ULK4: variants seen among roughly 807,000 people sequenced by gnomAD.
ULK4 encodes inactive serine/threonine-protein kinase ULK4.
In ULK4, 133 loss-of-function variants were observed where a neutral mutation model predicts 160.6. That is an observed-to-expected ratio of 0.83 (90% confidence interval 0.72 to 0.96). The LOEUF (loss-of-function observed/expected upper bound fraction) is 0.96. ULK4 is among the 40% of genes least tolerant of loss of function. The pLI is 0.00. For synonymous variants in ULK4, 534 were observed against 539.8 expected (o/e 0.99, Z 0.15); for missense variants, 1,580 against 1,499.5 (o/e 1.05, Z -0.89).
chr3:41,695,282 T>C (rs1231468055), intron 27 of ULK4, among the ~76,000 whole-genome samples: 1 of 152,192 alleles, frequency 6.6e-6, no homozygotes, highest in Non-Finnish European at 1.5e-5. Context: ...TCACAATGCA[T>C]ATACATGCTT....
Position 41,921,680 on chromosome 3 carries a change from T to A in ULK4, c.542-1862A>T, listed in dbSNP as rs150926195. ...GCACTAATAAACAATGGAATTAAAGTCTCTGGGTTCACACTCAAATGGGTG... is the reference window on the plus strand; with the variant it reads ...GCACTAATAAACAATGGAATTAAAGACTCTGGGTTCACACTCAAATGGGTG... On this transcript the variant is annotated intron_variant, in intron 5 of 36. Coordinates refer to ENST00000301831, the MANE Select transcript of ULK4 (RefSeq NM_017886.4). 6.6e-5 allele frequency among the ~76,000 whole-genome samples: 10 copies of A among 152,246 alleles called. No individual in the cohort carries two copies. In the East Asian group the frequency reaches 1.7e-3, roughly 26 times the overall value.
chr3:41,926,337 C>G (rs989939756), intron 5 of ULK4, among the ~76,000 whole-genome samples: 2 of 152,170 alleles, frequency 1.3e-5, no homozygotes, highest in Non-Finnish European at 2.9e-5. Context: ...GAAACCCCAT[C>G]CGAAGGTCAC....
At chr3:41,251,029 G>T (rs1016675992) in intron 35 of ULK4, 1 of 152,092 alleles carries the variant, frequency 6.6e-6, no homozygotes, top group African/African-American at 2.4e-5. Flanking sequence ...TCAGTGCCCC[G>T]ACCAGCCCTG....
rs1282630979 is a variant in ULK4 at position 41,915,837 on chromosome 3, G to GAGC, written c.803+139_803+140insGCT. ...AAAATAATAATTTGAATAGCTATTT[G>GAGC]TATATTAAGAACAGCACCATTTTAG... On this transcript the variant is annotated intron_variant, in intron 8 of 36. Transcript: ENST00000301831. 6 of 562,272 alleles carry GAGC rather than the reference G, an allele frequency of 1.1e-5. No individual in the cohort carries two copies. In the South Asian group the frequency reaches 1.6e-4, roughly 15 times the overall value. 34.8% of individuals were successfully genotyped at this position (562,272 alleles called of 1,614,324 possible). A position where few individuals can be genotyped will look rare whatever the true frequency, so the allele number is the denominator to read the frequency against.
At position 41,351,575 on chromosome 3, in the gene ULK4, C is replaced by G. The variant is rs184571512; in HGVS notation, c.3678+46504G>C. ...CTGCTTCATCTTTTCTCTTCTTATT[C>G]AAGATACAAATTGTAGCACTCCACC... On this transcript the variant is annotated intron_variant, in intron 35 of 36. Transcript: ENST00000301831. Among the ~76,000 whole-genome samples, 353 of 152,286 alleles carry G rather than the reference C, an allele frequency of 2.3e-3. 5 individuals carry two copies. The highest frequency in any genetic ancestry group is 8.4e-3 in the African/African-American group (348 of 41,558).
intron 18 of ULK4, among the ~76,000 whole-genome samples, chr3:41,832,641 T>C (rs1487388628): frequency 6.6e-6 from 1 of 152,234 alleles, no homozygotes; most frequent in East Asian, 1.9e-4. Context: ...TGGTACTGCC[T>C]AGGTTTTCTT....
chr3:41,717,539 T>C (rs1403126128), intron 23 of ULK4, among the ~76,000 whole-genome samples, 189 bp downstream of exon 23: 1 of 152,206 alleles, frequency 6.6e-6, no homozygotes, highest in Non-Finnish European at 1.5e-5. Context: ...CCTCATCATG[T>C]CATTGATGCA....
chr3:41,951,144 C>CAAAAAA (rs34524276), intron 2 of ULK4, among the ~76,000 whole-genome samples: 7 of 64,646 alleles, frequency 1.1e-4, no homozygotes, highest in African/African-American at 2.1e-4. Context: ...GGCTTCGTCT[C>CAAAAAA]AAAAAAAAAA....
intron 32 of ULK4, among the ~76,000 whole-genome samples, chr3:41,510,398 T>C (rs906249508): frequency 6.6e-6 from 1 of 152,048 alleles, no homozygotes; most frequent in East Asian, 1.9e-4. Flanking sequence ...ATTTTAATAC[T>C]CCACTAACAG....
At chr3:41,846,203 C>T (rs1318731742) in intron 17 of ULK4, among the ~76,000 whole-genome samples, 2 of 152,012 alleles carry the variant, frequency 1.3e-5, no homozygotes, top group Non-Finnish European at 2.9e-5. Context: ...AATGGTTCTC[C>T]TCAAGGTTAT....
intron 17 of ULK4, among the ~76,000 whole-genome samples, chr3:41,867,457 C>T (rs561870592): frequency 5.9e-5 from 9 of 152,256 alleles, no homozygotes; most frequent in Admixed American, 1.3e-4. Context: ...CTGCTAACTC[C>T]GCCTCACAGA....
chr3:41,593,120 G>A (rs969995764), intron 31 of ULK4, among the ~76,000 whole-genome samples: 1 of 152,008 alleles, frequency 6.6e-6, no homozygotes, highest in African/African-American at 2.4e-5. Context: ...ATCATATTTT[G>A]TTTCTTTGCT....
intron 21 of ULK4, among the ~76,000 whole-genome samples, chr3:41,774,145 T>C (rs1340315150): frequency 6.6e-6 from 1 of 152,076 alleles, no homozygotes; most frequent in African/African-American, 2.4e-5. Context: ...GCATTACCAT[T>C]CAGGACATAG....
intron 35 of ULK4, among the ~76,000 whole-genome samples, chr3:41,250,389 A>G (rs1446146720): frequency 6.6e-6 from 1 of 152,242 alleles, no homozygotes; most frequent in Non-Finnish European, 1.5e-5. Context: ...TTTACATTTC[A>G]GAATGCTGTT....
intron 31 of ULK4, among the ~76,000 whole-genome samples, chr3:41,609,892 T>C (rs2125675212): frequency 6.6e-6 from 1 of 152,102 alleles, no homozygotes; most frequent in East Asian, 1.9e-4. Flanking sequence ...GAGGATCACT[T>C]GAGCCCAGGA....
chr3:41,683,649 G>A (rs1015758922), intron 27 of ULK4, among the ~76,000 whole-genome samples: 35 of 150,006 alleles, frequency 2.3e-4, no homozygotes, highest in East Asian at 9.8e-4. Flanking sequence ...CCCTTCCTTC[G>A]CTTTTCATTA....
intron 30 of ULK4, among the ~76,000 whole-genome samples, chr3:41,658,906 T>C (rs988479825): frequency 6.7e-6 from 1 of 149,466 alleles, no homozygotes; most frequent in South Asian, 2.2e-4. Flanking sequence ...AATGTAGTCA[T>C]ATTCCCCAAT....
At chr3:41,286,172 G>A (rs1387670806) in intron 35 of ULK4, among the ~76,000 whole-genome samples, 1 of 152,110 alleles carries the variant, frequency 6.6e-6, no homozygotes, top group Non-Finnish European at 1.5e-5. Flanking sequence ...GATACATAAC[G>A]ATTTCCTTTA....
intron 29 of ULK4, 34 bp from the exon 30 acceptor site, chr3:41,663,733 T>G: frequency 6.4e-7 from 1 of 1,555,258 alleles, no homozygotes; most frequent in Non-Finnish European, 8.9e-7. Context: ...AAATACTCAG[T>G]AGGAAAAATT....
Sources: allele counts gnomAD v4.1 joint callset (sites outside exome capture counted in the v4.1 genomes callset), GRCh38; gene constraint gnomAD v4.1.1; transcripts MANE v1.5; gene names NCBI Gene and HGNC (gene_info 2026-07-23, HGNC 2026-07-21).